ABHD2: variants seen among roughly 807,000 people sequenced by gnomAD.
ABHD2 encodes the protein abhydrolase domain containing 2, acylglycerol lipase.
Under a neutral mutation model 48.1 loss-of-function variants are expected in ABHD2, and 20 were observed. That is an observed-to-expected ratio of 0.42 (90% CI 0.29 to 0.60). The LOEUF is 0.60. Among genes scored for constraint, ABHD2 ranks in the 20% least tolerant of loss-of-function variants. The probability of loss-of-function intolerance (pLI) is 0.24; values close to 1 mark genes in which losing one functional copy is unlikely to be tolerated. For synonymous variants in ABHD2, 209 were observed against 214.2 expected, an observed-to-expected ratio of 0.98 and a Z score of 0.21; for missense variants, 405 against 550.9, an observed-to-expected ratio of 0.74 and a Z score of 2.65.
At chr15:89,073,680 A>G in the ABHD2 span, among the ~76,000 whole-genome samples, 5 of 152,176 alleles carry the variant, frequency 3.3e-5, no homozygotes, top group Admixed American at 2.0e-4. Flanking sequence ...CATGCGAAGC[A>G]TCTCGGGATC....
the ABHD2 span, among the ~76,000 whole-genome samples, chr15:89,062,679 C>G: frequency 6.6e-6 from 1 of 152,098 alleles, no homozygotes; most frequent in South Asian, 2.1e-4. Flanking sequence ...TGAGCCACCG[C>G]ACCCAGTTGG....
the ABHD2 span, among the ~76,000 whole-genome samples, chr15:89,043,454 G>A: frequency 1.3e-3 from 191 of 143,914 alleles, no homozygotes; most frequent in African/African-American, 5.0e-3. Flanking sequence ...GAAGGAGGAG[G>A]AGGAGAAGGA....
chr15:89,163,274 GATTAGAAATTGTTGAAA>G (rs1372872321), intron 5 of ABHD2, among the ~76,000 whole-genome samples: 1 of 152,220 alleles, frequency 6.6e-6, no homozygotes, highest in African/African-American at 2.4e-5. Context: ...TTGCTAATGT[GATTAGAAATTGTTGAAA>G]ACAGATCTGC....
chr15:89,103,915 C>T (rs1437287928), intron 1 of ABHD2: 1 of 152,142 alleles, frequency 6.6e-6, no homozygotes, highest in Non-Finnish European at 1.5e-5. Flanking sequence ...ACAGATGAAT[C>T]CTTCATATTT....
intron 4 of ABHD2, among the ~76,000 whole-genome samples, chr15:89,153,658 A>G (rs2050627597): frequency 6.6e-6 from 1 of 152,228 alleles, no homozygotes; most frequent in Non-Finnish European, 1.5e-5. Context: ...GTACTTTAAG[A>G]AAAACAGCTC....
intron 2 of ABHD2, among the ~76,000 whole-genome samples, chr15:89,115,550 G>A (rs532863619): frequency 1.3e-5 from 2 of 152,172 alleles, no homozygotes; most frequent in East Asian, 3.9e-4. Flanking sequence ...GGTCAATTTG[G>A]TTTACTTTTA....
chr15:89,119,689 C>G (rs1226510030), intron 3 of ABHD2, among the ~76,000 whole-genome samples: 1 of 152,124 alleles, frequency 6.6e-6, no homozygotes, highest in Non-Finnish European at 1.5e-5. Flanking sequence ...AGTGAGAGAA[C>G]TGAGGCAGAG....
Position 89,201,609 on chromosome 15 carries a change from CT to C in ABHD2, c.*6187del. On this transcript the variant is annotated 3_prime_UTR_variant, in exon 11 of 11. Transcript: ENST00000352732. ...AGTTGACCCTGGGTCAATAATTCCACTGTTGGGCCTCACACAGTACCGGTGA... is the reference window on the plus strand; with the variant it reads ...AGTTGACCCTGGGTCAATAATTCCACGTTGGGCCTCACACAGTACCGGTGA... The C allele has an allele frequency of 9.4e-6, 15 of 1,594,174 alleles. No homozygotes were observed. Among genetic ancestry groups the C allele is most frequent in the Non-Finnish European group, 1.2e-5 (14 of 1,161,916 alleles).
rs915616294 is a variant in ABHD2, at chr15:89,177,016, A to G, written c.722+1021A>G. ...ACTGGAATTTAAAGCCAGCACACCCAAAAGACACATGTGGGCCCAGGATTC... is the reference window on the plus strand; with the variant it reads ...ACTGGAATTTAAAGCCAGCACACCCGAAAGACACATGTGGGCCCAGGATTC... On this transcript the variant is annotated intron_variant, in intron 6 of 10. Coordinates refer to ENST00000352732, the MANE Select transcript of ABHD2 (RefSeq NM_152924.5). This position sits in a 1 kb window ranked among gnomAD's most constrained non-coding sequence, Gnocchi z 5.6. Among the ~76,000 whole-genome samples, 1 of 152,206 alleles carries G rather than the reference A, an allele frequency of 6.6e-6. No individual in the cohort carries two copies. Among genetic ancestry groups the G allele is most frequent in the Non-Finnish European group, 1.5e-5 (1 of 68,034 alleles).
chr15:89,062,847 A>C, the ABHD2 span, among the ~76,000 whole-genome samples: 2 of 151,884 alleles, frequency 1.3e-5, no homozygotes, highest in African/African-American at 4.8e-5. Context: ...GTCTCACCTT[A>C]TTGATTTCCG....
the ABHD2 span, among the ~76,000 whole-genome samples, chr15:89,070,538 C>A: frequency 6.6e-6 from 1 of 152,116 alleles, no homozygotes. Flanking sequence ...AGTTATCAGC[C>A]CTCCACATAC....
rs2051123277 is a variant in ABHD2, at chr15:89,182,050, T to A, written c.723-3374T>A. Among the ~76,000 whole-genome samples the A allele has an allele frequency of 6.6e-6, 1 of 152,196 alleles. No individual in the cohort carries two copies. Among genetic ancestry groups the A allele is most frequent in the African/African-American group, 2.4e-5 (1 of 41,444 alleles). On this transcript the variant is annotated intron_variant, in intron 6 of 10. Coordinates refer to ENST00000352732, the MANE Select transcript of ABHD2 (RefSeq NM_152924.5). This position sits in a 1 kb window ranked among gnomAD's most constrained non-coding sequence, Gnocchi z 4.8. ...GTTACATTGATTAGAAATGAAGGCA[T>A]TTTCAGGGAATTCTATTTATGTTGG... is the stretch of plus-strand genomic sequence containing the variant.
Position 89,151,819 on chromosome 15 carries a change from C to G in ABHD2, c.337C>G (p.Leu113Val). 6.2e-7 allele frequency: 1 copy of G among 1,614,188 alleles called. No homozygotes were observed. The highest frequency in any genetic ancestry group is 8.5e-7 in the Non-Finnish European group (1 of 1,180,024). ...TGATGGAGCCACTTCTACATTCGACCTCTTCGAGCCCTTGGCTGAGCACTG... is the reference window on the plus strand; with the variant it reads ...TGATGGAGCCACTTCTACATTCGACGTCTTCGAGCCCTTGGCTGAGCACTG... ...MSDGATSTFD[L>V]FEPLAEHCVG... Residue 113 changes from leucine to valine, a missense_variant, in exon 4 of 11, where the codon CTC becomes GTC. Transcript: ENST00000352732. This position sits in a 1 kb window ranked among gnomAD's most constrained non-coding sequence, Gnocchi z 4.7.
At chr15:89,142,731 C>T (rs1388456405) in intron 3 of ABHD2, among the ~76,000 whole-genome samples, 3 of 152,138 alleles carry the variant, frequency 2.0e-5, no homozygotes, top group Non-Finnish European at 4.4e-5. Flanking sequence ...GGATCTTCTT[C>T]TCCACCCAGT....
rs927440880 is a variant in ABHD2, at chr15:89,201,001, G to C, written c.*5578G>C. 4 of 554,422 alleles carry C rather than the reference G, an allele frequency of 7.2e-6. No individual in the cohort carries two copies. Among genetic ancestry groups the C allele is most frequent in the Non-Finnish European group, 1.3e-5 (4 of 314,136 alleles). The allele number at this position is 554,422 out of a possible 1,614,324, so 34.3% of individuals were successfully genotyped here. On this transcript the variant is annotated 3_prime_UTR_variant, in exon 11 of 11. Coordinates refer to ENST00000352732, the MANE Select transcript of ABHD2 (RefSeq NM_152924.5). Reference sequence around the variant, plus strand: ...GGAGGCTGAGGTGGGAGAATTGCTTGAACCCAGGAGACGGAGGTTGCAGTG... The same window carrying C: ...GGAGGCTGAGGTGGGAGAATTGCTTCAACCCAGGAGACGGAGGTTGCAGTG...
rs937153391 is a variant in ABHD2, at chr15:89,091,179, C to A, written c.-107+2616C>A. Among the ~76,000 whole-genome samples, 4 of 152,162 alleles carry A rather than the reference C, an allele frequency of 2.6e-5. No homozygotes were observed. The highest frequency in any genetic ancestry group is 7.2e-5 in the African/African-American group (3 of 41,442). On this transcript the variant is annotated intron_variant, in intron 1 of 10. Coordinates refer to ENST00000352732, the MANE Select transcript of ABHD2 (RefSeq NM_152924.5). The surrounding 1 kb of genome is among the most constrained non-coding windows in gnomAD (Gnocchi z 5.5). The stretch of plus-strand genomic sequence containing the variant: ...TGCGTGGGTCTGACAAATAGGCACT[C>A]TCAGTGTGCCAGCCAATTCCCTTTT...
At chr15:89,135,987 C>T (rs146031676) in intron 3 of ABHD2, 140 of 314,550 alleles carry the variant, frequency 4.5e-4, no homozygotes, top group African/African-American at 2.8e-3. Context: ...AGTGCAATGG[C>T]GCAATCTCAG....
At chr15:89,181,228 CAAAAA>C (rs61411388) in intron 6 of ABHD2, among the ~76,000 whole-genome samples, 1 of 69,176 alleles carries the variant, frequency 1.4e-5, no homozygotes, top group African/African-American at 6.1e-5. Flanking sequence ...GACTCTGTCT[CAAAAA>C]AAAAAAAAAA....
chr15:89,146,575 C>T lies in ABHD2; in HGVS notation c.195-5102C>T, dbSNP rs981272643. Among the ~76,000 whole-genome samples the T allele has an allele frequency of 1.3e-5, 2 of 152,086 alleles. No homozygotes were observed. The highest frequency in any genetic ancestry group is 2.9e-5 in the Non-Finnish European group (2 of 68,024). ...GTTAGTAACAAACATTTATTAACCG[C>T]TGGCCACGGCACAACATTGGCCACA... On this transcript the variant is annotated intron_variant, in intron 3 of 10. Transcript: ENST00000352732. The surrounding 1 kb of genome is among the most constrained non-coding windows in gnomAD (Gnocchi z 4.2).
Sources: gnomAD v4.1 joint callset for allele counts (sites outside exome capture counted in the v4.1 genomes callset) on GRCh38, gnomAD v4.1.1 for gene constraint, Gnocchi (gnomAD v3.1) non-coding constraint, MANE v1.5 for transcripts, NCBI Gene and HGNC (gene_info 2026-07-23, HGNC 2026-07-21) for gene names.